Variants in CARMIL1 observed in about 807,000 individuals in gnomAD.
CARMIL1 encodes the protein capping protein regulator and myosin 1 linker 1.
In CARMIL1, 90 loss-of-function variants were observed where a neutral mutation model predicts 177.1. The observed-to-expected ratio is 0.51, with a 90% CI of 0.43 to 0.61. The LOEUF is 0.61. Ranked by LOEUF, CARMIL1 falls within the 20% of genes least tolerant of loss-of-function variation. The pLI, the probability that CARMIL1 is intolerant of heterozygous loss-of-function variation, is 0.00. For synonymous variants in CARMIL1, 577 were observed against 606.2 expected (o/e 0.95, Z 0.71); for missense variants, 1,380 against 1,667.0 (o/e 0.83, Z 3.00).
intron 5 of CARMIL1, among the ~76,000 whole-genome samples, chr6:25,440,605 G>A (rs1797656139): frequency 6.6e-6 from 1 of 152,184 alleles, no homozygotes; most frequent in African/African-American, 2.4e-5. Flanking sequence ...ACTAGAGAGG[G>A]TGGAGAAGTT....
chr6:25,485,274 G>A (rs988621571), intron 12 of CARMIL1, among the ~76,000 whole-genome samples: 1 of 152,098 alleles, frequency 6.6e-6, no homozygotes, highest in Admixed American at 6.5e-5. Flanking sequence ...ACCTCCTTAC[G>A]ATGAGGACAG....
At chr6:25,334,652 ATTAT>A (rs1448468413) in intron 2 of CARMIL1, among the ~76,000 whole-genome samples, 2 of 152,136 alleles carry the variant, frequency 1.3e-5, no homozygotes, top group South Asian at 2.1e-4. Context: ...TTAATTTTAT[ATTAT>A]TTAGTCATTT....
intron 2 of CARMIL1, among the ~76,000 whole-genome samples, chr6:25,411,336 C>T (rs1280330577): frequency 1.3e-5 from 2 of 152,152 alleles, no homozygotes; most frequent in African/African-American, 4.8e-5. Context: ...TCACCCTTGG[C>T]CTCATGCTAA....
intron 2 of CARMIL1, among the ~76,000 whole-genome samples, chr6:25,332,475 G>A (rs1785728565): frequency 6.6e-6 from 1 of 152,072 alleles, no homozygotes; most frequent in African/African-American, 2.4e-5. Flanking sequence ...GTAGAAGCAA[G>A]TGAATTTGCT....
intron 3 of CARMIL1, among the ~76,000 whole-genome samples, chr6:25,425,028 T>C (rs72831254): frequency 0.14 from 21,765 of 152,220 alleles, 1,751 homozygotes; most frequent in Non-Finnish European, 0.18. Flanking sequence ...TTTTAGAAAA[T>C]AATTTCCTGC....
intron 2 of CARMIL1, among the ~76,000 whole-genome samples, chr6:25,365,537 C>T (rs965386616): frequency 2.0e-5 from 3 of 152,050 alleles, no homozygotes; most frequent in Non-Finnish European, 2.9e-5. Context: ...GAAGAATTGC[C>T]GTCCGCCCCC....
intron 24 of CARMIL1, among the ~76,000 whole-genome samples, chr6:25,530,080 T>C (rs534868959): frequency 6.6e-6 from 1 of 151,822 alleles, no homozygotes; most frequent in African/African-American, 2.4e-5. Flanking sequence ...TAGAAAACCA[T>C]TTCATATGAG....
intron 2 of CARMIL1, among the ~76,000 whole-genome samples, chr6:25,286,136 G>C (rs760114137): frequency 1.2e-4 from 19 of 152,224 alleles, no homozygotes; most frequent in Admixed American, 2.6e-4. Flanking sequence ...GCCTCCCGAA[G>C]TGCTGGGATT....
In CARMIL1 at chr6:25,450,369, G is replaced by C. The variant is rs757601933; in HGVS notation, c.500G>C (p.Cys167Ser). 2 of 1,613,690 alleles carry C rather than the reference G, an allele frequency of 1.2e-6. No individual in the cohort carries two copies. Among genetic ancestry groups the C allele is most frequent in the Non-Finnish European group, 1.7e-6 (2 of 1,179,784 alleles). Residue 167 changes from cysteine (C) to serine (S), a missense_variant, in exon 7 of 37, where the codon TGT becomes TCT. Physicochemically the swap from Cys to Ser is moderately radical, Grantham distance 112. Transcript: ENST00000329474. ...GGFSQMYACV[C>S]DWLGFSYREE... ...TTTTCTCAGATGTATGCCTGTGTTT[G>C]TGACTGGCTTGGATTTTCATACAGG...
intron 24 of CARMIL1, among the ~76,000 whole-genome samples, chr6:25,534,907 CTGTT>C (rs1256940954): frequency 6.6e-6 from 1 of 152,136 alleles, no homozygotes; most frequent in Non-Finnish European, 1.5e-5. Flanking sequence ...TATGAATAAG[CTGTT>C]TGCTGGAAAT....
intron 2 of CARMIL1, among the ~76,000 whole-genome samples, chr6:25,322,250 T>G (rs1405412493): frequency 6.6e-6 from 1 of 152,108 alleles, no homozygotes; most frequent in Admixed American, 6.5e-5. Context: ...AGCGTTCTGA[T>G]TAGCTGGGAT....
intron 31 of CARMIL1, among the ~76,000 whole-genome samples, chr6:25,582,396 A>T (rs1212395128): frequency 6.6e-6 from 1 of 152,186 alleles, no homozygotes; most frequent in Non-Finnish European, 1.5e-5. Context: ...TCTGGGTGAT[A>T]TCATCTAACT....
At chr6:25,538,340 T>TTC (rs1489563408) in intron 25 of CARMIL1, among the ~76,000 whole-genome samples, 1 of 152,220 alleles carries the variant, frequency 6.6e-6, no homozygotes, top group African/African-American at 2.4e-5. Flanking sequence ...TTCTCTCACG[T>TTC]TAGACTTTGG....
chr6:25,356,613 C>T (rs1788647814), intron 2 of CARMIL1, among the ~76,000 whole-genome samples: 1 of 152,216 alleles, frequency 6.6e-6, no homozygotes, highest in Non-Finnish European at 1.5e-5. Context: ...GGTTATTTTT[C>T]CTGGCGCTTC....
intron 2 of CARMIL1, among the ~76,000 whole-genome samples, chr6:25,309,325 A>G (rs886693195): frequency 6.2e-5 from 9 of 146,332 alleles, no homozygotes; most frequent in Non-Finnish European, 1.0e-4. Context: ...ACTGCACTCC[A>G]GCTTGGGTAA....
intron 24 of CARMIL1, 79 bp from the exon 25 acceptor site, chr6:25,537,776 C>G: frequency 6.5e-7 from 1 of 1,531,570 alleles, no homozygotes. Flanking sequence ...TTTTTTCATA[C>G]TCCTTCGTTC....
chr6:25,505,341 G>C (rs1354830918), intron 17 of CARMIL1, among the ~76,000 whole-genome samples: 10 of 152,172 alleles, frequency 6.6e-5, no homozygotes, highest in African/African-American at 1.9e-4. Context: ...TTGCCCTGTA[G>C]GTTAGTTCTA....
chr6:25,560,672 C>T (rs1472315881), intron 29 of CARMIL1, among the ~76,000 whole-genome samples: 1 of 152,126 alleles, frequency 6.6e-6, no homozygotes, highest in African/African-American at 2.4e-5. Context: ...GTGCCAGAGT[C>T]TGCATTTAAC....
At chr6:25,571,584 T>C (rs981126399) in intron 29 of CARMIL1, among the ~76,000 whole-genome samples, 14 of 151,878 alleles carry the variant, frequency 9.2e-5, no homozygotes, top group African/African-American at 3.1e-4. Context: ...ATTAATACTT[T>C]ACAATTAGTA....
Sources: gnomAD v4.1 joint callset for allele counts (sites outside exome capture counted in the v4.1 genomes callset) on GRCh38, gnomAD v4.1.1 for gene constraint, MANE v1.5 for transcripts, NCBI Gene and HGNC (gene_info 2026-07-23, HGNC 2026-07-21) for gene names.